COL21A1: variants seen among roughly 807,000 people sequenced by gnomAD.
COL21A1 encodes the protein collagen type XXI alpha 1 chain.
In COL21A1, 149 loss-of-function variants were observed where a neutral mutation model predicts 137.9. The observed-to-expected ratio is 1.08, with a 90% CI of 0.95 to 1.24. The LOEUF (loss-of-function observed/expected upper bound fraction) is 1.24. Ranked by LOEUF, COL21A1 falls within the 50% of genes most tolerant of loss-of-function variation. COL21A1 has a pLI of 0.00. For synonymous variants in COL21A1, 456 were observed against 391.5 expected (o/e 1.16, Z -1.95); for missense variants, 1,167 against 1,158.4 (o/e 1.01, Z -0.11).
intron 5 of COL21A1, among the ~76,000 whole-genome samples, chr6:56,169,163 C>T (rs1776831697): frequency 6.6e-6 from 1 of 151,904 alleles, no homozygotes; most frequent in Non-Finnish European, 1.5e-5. Flanking sequence ...ATTGTCACTA[C>T]CATAATTTAG....
intron 1 of COL21A1, among the ~76,000 whole-genome samples, chr6:56,183,204 G>T (rs1048641172): frequency 6.6e-6 from 1 of 152,022 alleles, no homozygotes; most frequent in African/African-American, 2.4e-5. Flanking sequence ...TTCATTTCTG[G>T]TTAGAATGTA....
intron 16 of COL21A1, among the ~76,000 whole-genome samples, chr6:56,121,561 T>C (rs1772528197): frequency 1.0e-5 from 1 of 99,834 alleles, no homozygotes; most frequent in African/African-American, 4.3e-5. Flanking sequence ...TGTATATGTG[T>C]ATATATATAT....
chr6:56,103,656 A>C (rs1285260109), intron 16 of COL21A1, among the ~76,000 whole-genome samples: 1 of 152,192 alleles, frequency 6.6e-6, no homozygotes, highest in African/African-American at 2.4e-5. Flanking sequence ...TCAATAATGA[A>C]GTTCCACAAT....
intron 1 of COL21A1, among the ~76,000 whole-genome samples, chr6:56,262,794 C>A (rs1273305834): frequency 6.6e-6 from 1 of 152,070 alleles, no homozygotes; most frequent in African/African-American, 2.4e-5. Flanking sequence ...CAGAAGCAGC[C>A]ACTATGCAGC....
Position 56,170,766 on chromosome 6 carries a change from A to G in COL21A1, c.909T>C (p.Ile303=). 6.2e-7 allele frequency: 1 copy of G among 1,608,214 alleles called. No individual in the cohort carries two copies. Among genetic ancestry groups the G allele is most frequent in the Non-Finnish European group, 8.5e-7 (1 of 1,176,240 alleles). The part of the protein sequence containing the change: ...KIWDLWRILT[I]DGRPQIAVTL... ...TAACTGCTATTTGTGGCCTTCCATC[A>G]ATAGTTAATATTCTCCATAAATCCC... is the stretch of plus-strand genomic sequence containing the variant. Residue 303 remains isoleucine (I), a synonymous_variant, in exon 5 of 30, where the codon ATT becomes ATC. Transcript: ENST00000244728.
chr6:56,212,408 T>C (rs895468454), intron 1 of COL21A1, among the ~76,000 whole-genome samples: 2 of 152,070 alleles, frequency 1.3e-5, no homozygotes, highest in Non-Finnish European at 1.5e-5. Context: ...TTTTATAGCA[T>C]AGGTTTGCTA....
chr6:56,060,562 TA>T, intron 27 of COL21A1, 178 bp downstream of exon 27: 1 of 507,006 alleles, frequency 2.0e-6, no homozygotes, highest in Non-Finnish European at 3.4e-6. Flanking sequence ...AAAAAGATTA[TA>T]AAAGAGTATA....
In COL21A1 at chr6:56,101,219, C is replaced by T. The variant is rs1049671941; in HGVS notation, c.1812+253G>A. Among the ~76,000 whole-genome samples the T allele has an allele frequency of 3.3e-5, 5 of 152,094 alleles. No individual in the cohort carries two copies. In the East Asian group the frequency reaches 5.8e-4, roughly 18 times the overall value. On this transcript the variant is annotated intron_variant, in intron 17 of 29. Transcript: ENST00000244728. ...CAACAGACCATGATGTTTGTGTTAA[C>T]CATGCATTTCTTTGGGCATGAGTGC... is the stretch of plus-strand genomic sequence containing the variant.
chr6:56,158,266 C>CTTTTTTTT (rs67453245), intron 9 of COL21A1, among the ~76,000 whole-genome samples: 18 of 62,404 alleles, frequency 2.9e-4, no homozygotes, highest in Non-Finnish European at 3.1e-4. Flanking sequence ...TTTTTTTTTT[C>CTTTTTTTT]TTTTTTTTTT....
At chr6:56,260,525 GACT>G in intron 1 of COL21A1, among the ~76,000 whole-genome samples, 2 of 148,764 alleles carry the variant, frequency 1.3e-5, no homozygotes, top group Non-Finnish European at 3.0e-5. Context: ...AGTGAACCAA[GACT>G]GAGCATCTGC....
intron 15 of COL21A1, 60 bp from the exon 16 acceptor site, chr6:56,124,175 C>A (rs970351415): frequency 4.6e-6 from 7 of 1,536,386 alleles, no homozygotes; most frequent in Non-Finnish European, 6.2e-6. Context: ...TCTTTAAAGA[C>A]AGATACTATA....
chr6:56,143,388 GA>G (rs1774581840), intron 10 of COL21A1, among the ~76,000 whole-genome samples: 1 of 151,742 alleles, frequency 6.6e-6, no homozygotes, highest in East Asian at 1.9e-4. Flanking sequence ...TTTTAGTAGA[GA>G]TGGGGTTTCA....
At chr6:56,182,008 G>T (rs1361272282) in intron 2 of COL21A1, among the ~76,000 whole-genome samples, 1 of 152,022 alleles carries the variant, frequency 6.6e-6, no homozygotes, top group African/African-American at 2.4e-5. Context: ...TTTATAGTAG[G>T]ATGCTTATGA....
At chr6:56,315,460 G>A (rs780251490) in intron 1 of COL21A1, among the ~76,000 whole-genome samples, 1 of 152,104 alleles carries the variant, frequency 6.6e-6, no homozygotes, top group African/African-American at 2.4e-5. Context: ...GAAGAAATAC[G>A]TAAAAAGAAG....
chr6:56,391,706 A>G (rs2094030034), intron 1 of COL21A1, among the ~76,000 whole-genome samples: 1 of 152,166 alleles, frequency 6.6e-6, no homozygotes, highest in South Asian at 2.1e-4. Context: ...ATGTTTATAG[A>G]TGTATAAATG....
intron 16 of COL21A1, among the ~76,000 whole-genome samples, chr6:56,113,406 C>G (rs2152191965): frequency 6.6e-6 from 1 of 152,308 alleles, no homozygotes; most frequent in Middle Eastern, 3.4e-3. Flanking sequence ...AAGAGGCCCC[C>G]TTTCCAGGCC....
At chr6:56,219,126 T>C (rs1780663214) in intron 1 of COL21A1, among the ~76,000 whole-genome samples, 1 of 145,738 alleles carries the variant, frequency 6.9e-6, no homozygotes, top group Admixed American at 7.2e-5. Context: ...CAATGAAAAG[T>C]GGATTTTATG....
chr6:56,358,889 C>T (rs1245326678), intron 1 of COL21A1, among the ~76,000 whole-genome samples: 1 of 152,002 alleles, frequency 6.6e-6, no homozygotes, highest in Non-Finnish European at 1.5e-5. Flanking sequence ...GAAGTTTTGT[C>T]TTATCCAACA....
At chr6:56,065,418 T>C (rs922231237) in intron 23 of COL21A1, among the ~76,000 whole-genome samples, 3 of 152,160 alleles carry the variant, frequency 2.0e-5, no homozygotes, top group Admixed American at 6.6e-5. Context: ...AAAGATATCA[T>C]TGTGGCCTTC....
Sources: allele counts gnomAD v4.1 joint callset (sites outside exome capture counted in the v4.1 genomes callset), GRCh38; gene constraint gnomAD v4.1.1; transcripts MANE v1.5; gene names NCBI Gene and HGNC (gene_info 2026-07-23, HGNC 2026-07-21).